The following MTHFD1L variants were observed in gnomAD, a reference collection of about 807,000 sequenced individuals.
MTHFD1L encodes monofunctional C1-tetrahydrofolate synthase, mitochondrial.
MTHFD1L carries 81 observed loss-of-function variants against 119.5 expected under a neutral mutation model. The ratio of observed to expected loss-of-function variants is 0.68; its 90% CI spans 0.57 to 0.82. The LOEUF is 0.82. Ranked by LOEUF, MTHFD1L falls within the 40% of genes least tolerant of loss-of-function variation. The pLI, the probability that MTHFD1L is intolerant of heterozygous loss-of-function variation, is 0.00. For missense variants in MTHFD1L, 1,125 were observed against 1,253.4 expected (o/e 0.90, Z 1.55); for synonymous variants, 430 against 475.2 (o/e 0.90, Z 1.24).
At chr6:150,896,829 G>T (rs1277165063) in intron 7 of MTHFD1L, among the ~76,000 whole-genome samples, 2 of 151,946 alleles carry the variant, frequency 1.3e-5, no homozygotes, top group Non-Finnish European at 2.9e-5. Flanking sequence ...GGGCTGTGTG[G>T]CGGGCGCGGT....
intron 11 of MTHFD1L, among the ~76,000 whole-genome samples, chr6:150,931,178 A>C (rs1790964691): frequency 6.6e-6 from 1 of 152,094 alleles, no homozygotes; most frequent in Non-Finnish European, 1.5e-5. Context: ...AATTGGTTGG[A>C]CAGAGCAGCT....
chr6:150,908,048 T>C (rs1786230663), intron 8 of MTHFD1L, among the ~76,000 whole-genome samples: 1 of 150,618 alleles, frequency 6.6e-6, no homozygotes, highest in Admixed American at 6.6e-5. Context: ...CAGGTCCCTG[T>C]CACCACGCCT....
At position 151,027,404 on chromosome 6, in the gene MTHFD1L, T is replaced by C. The variant is rs186344813; in HGVS notation, c.2587-7089T>C. Among the ~76,000 whole-genome samples, 265 of 152,318 alleles carry C rather than the reference T, an allele frequency of 1.7e-3. 1 individual carries two copies. Among genetic ancestry groups the C allele is most frequent in the African/African-American group, 5.9e-3 (246 of 41,574 alleles). ...TTGCCATAGGTGGTTATTTGATCAC[T>C]TAGCAGATGCCTTTGGGATCCTACT... On this transcript the variant is annotated intron_variant, in intron 24 of 27. Coordinates refer to ENST00000367321, the MANE Select transcript of MTHFD1L (RefSeq NM_015440.5).
intron 10 of MTHFD1L, 68 bp downstream of exon 10, chr6:150,922,370 G>C: frequency 7.9e-7 from 1 of 1,269,814 alleles, no homozygotes; most frequent in Non-Finnish European, 1.1e-6. Context: ...TTAGTCATGG[G>C]GGAGAAGCAC....
At chr6:150,916,499 TG>T (rs869058604) in intron 8 of MTHFD1L, among the ~76,000 whole-genome samples, 809 of 56,690 alleles carry the variant, frequency 0.014, 109 homozygotes, top group Middle Eastern at 0.02. Context: ...TTTTTTTTTT[TG>T]GTATTTTTAG....
intron 26 of MTHFD1L, among the ~76,000 whole-genome samples, chr6:151,086,497 A>T (rs1336292387): frequency 6.6e-6 from 1 of 152,108 alleles, no homozygotes; most frequent in East Asian, 1.9e-4. Flanking sequence ...CCATTTTGTA[A>T]TTGTCCTCCA....
intron 20 of MTHFD1L, among the ~76,000 whole-genome samples, chr6:150,999,643 T>G (rs1159103058): frequency 2.0e-5 from 3 of 152,378 alleles, no homozygotes; most frequent in Admixed American, 1.3e-4. Context: ...CATATAATTT[T>G]AAATGTGTAT....
chr6:150,986,676 A>G (rs1221776803), intron 20 of MTHFD1L, among the ~76,000 whole-genome samples: 4 of 152,146 alleles, frequency 2.6e-5, no homozygotes, highest in Non-Finnish European at 2.9e-5. Flanking sequence ...AGTTCCTTAC[A>G]GGGGCTGCAG....
At chr6:151,013,621 G>A (rs1243914723) in intron 21 of MTHFD1L, among the ~76,000 whole-genome samples, 158 bp from the exon 22 acceptor site, 2 of 152,160 alleles carry the variant, frequency 1.3e-5, no homozygotes, top group African/African-American at 4.8e-5. Flanking sequence ...TCCCGCAGGA[G>A]TTTAGGTTTA....
At chr6:151,082,570 T>C (rs1221804147) in intron 26 of MTHFD1L, among the ~76,000 whole-genome samples, 3 of 151,632 alleles carry the variant, frequency 2.0e-5, no homozygotes, top group East Asian at 3.8e-4. Flanking sequence ...CATAATTAGA[T>C]ATAGAAGATT....
At chr6:151,036,937 T>A in intron 25 of MTHFD1L, 28 bp from the exon 26 acceptor site, 1 of 1,611,278 alleles carries the variant, frequency 6.2e-7, no homozygotes, top group Non-Finnish European at 8.5e-7. Context: ...TCTGTATCAG[T>A]GAACACATTT....
At position 150,968,141 on chromosome 6, in the gene MTHFD1L, G is replaced by A. The variant is rs184680422; in HGVS notation, c.2013+3104G>A. On this transcript the variant is annotated intron_variant, in intron 19 of 27. Coordinates refer to ENST00000367321, the MANE Select transcript of MTHFD1L (RefSeq NM_015440.5). ...GAAGCCACAGGAATGTGCAGCCCCC[G>A]TCCCTCTGCTGTCATTGCAGTACAT... is the stretch of plus-strand genomic sequence containing the variant. Among the ~76,000 whole-genome samples, 589 of 151,914 alleles carry A rather than the reference G, an allele frequency of 3.9e-3. 3 individuals are homozygous for A. The highest frequency in any genetic ancestry group is 5.9e-3 in the Non-Finnish European group (400 of 67,966).
At chr6:151,083,765 T>C (rs1189102224) in intron 26 of MTHFD1L, among the ~76,000 whole-genome samples, 1 of 152,196 alleles carries the variant, frequency 6.6e-6, no homozygotes, top group Non-Finnish European at 1.5e-5. Flanking sequence ...CCATTTACAC[T>C]TTTCAGATAG....
Position 150,959,731 on chromosome 6 carries a change from C to A in MTHFD1L, c.1804-544C>A, listed in dbSNP as rs58543802. On this transcript the variant is annotated intron_variant, in intron 17 of 27. Transcript: ENST00000367321. ...CACTGCCCCTTATCTCTGTGCCAGA[C>A]AGACAATGCAGCCTTCTTGACAGAC... is the stretch of plus-strand genomic sequence containing the variant. Among the ~76,000 whole-genome samples, 343 of 152,304 alleles carry A rather than the reference C, an allele frequency of 2.3e-3. 1 individual carries two copies. The highest frequency in any genetic ancestry group is 7.9e-3 in the African/African-American group (329 of 41,550).
chr6:151,005,770 G>A (rs1012193471), intron 20 of MTHFD1L, among the ~76,000 whole-genome samples: 8 of 152,148 alleles, frequency 5.3e-5, no homozygotes, highest in African/African-American at 7.2e-5. Flanking sequence ...GTGAAACTCC[G>A]TTTCAAAAAT....
intron 27 of MTHFD1L, among the ~76,000 whole-genome samples, chr6:151,093,715 G>T (rs944233613): frequency 2.6e-5 from 4 of 151,540 alleles, no homozygotes; most frequent in African/African-American, 7.3e-5. Flanking sequence ...ATATCTTTTA[G>T]GGGACACAGT....
chr6:151,062,899 G>C (rs1479682043), intron 26 of MTHFD1L, among the ~76,000 whole-genome samples: 1 of 152,044 alleles, frequency 6.6e-6, no homozygotes, highest in Non-Finnish European at 1.5e-5. Flanking sequence ...TGGGAGGAGG[G>C]GGGAGGGATA....
intron 26 of MTHFD1L, among the ~76,000 whole-genome samples, chr6:151,079,440 CTGTT>C (rs897082505): frequency 6.6e-6 from 1 of 151,918 alleles, no homozygotes; most frequent in African/African-American, 2.4e-5. Flanking sequence ...ACAGGTTTTT[CTGTT>C]TGTTTTTTGT....
chr6:150,890,225 C>A (rs1224467470), intron 7 of MTHFD1L, among the ~76,000 whole-genome samples: 1 of 151,994 alleles, frequency 6.6e-6, no homozygotes, highest in East Asian at 1.9e-4. Context: ...ACAAAACTTG[C>A]CCATATATAT....
Sources: gnomAD v4.1 joint callset for allele counts (sites outside exome capture counted in the v4.1 genomes callset) on GRCh38, gnomAD v4.1.1 for gene constraint, MANE v1.5 for transcripts, NCBI Gene and HGNC (gene_info 2026-07-23, HGNC 2026-07-21) for gene names.